Variants in NUBPL observed in about 807,000 individuals in gnomAD.
NUBPL encodes iron-sulfur cluster transfer protein NUBPL.
A neutral mutation model predicts 45.7 loss-of-function variants in NUBPL; 31 were observed. The ratio of observed to expected loss-of-function variants is 0.68; its 90% CI spans 0.51 to 0.92. NUBPL has a LOEUF of 0.92. Among genes scored for constraint, NUBPL ranks in the 40% least tolerant of loss-of-function variants. The pLI is 0.00. For missense variants in NUBPL, 401 were observed against 398.7 expected, an observed-to-expected ratio of 1.01 and a Z score of -0.05; for synonymous variants, 144 against 140.9, an observed-to-expected ratio of 1.02 and a Z score of -0.15.
chr14:31,696,122 A>G (rs771874073), intron 6 of NUBPL, among the ~76,000 whole-genome samples: 1 of 152,202 alleles, frequency 6.6e-6, no homozygotes, highest in Non-Finnish European at 1.5e-5. Flanking sequence ...AGCAATTTGA[A>G]AAGCTGGGAG....
At chr14:31,732,484 C>T (rs2038072504) in intron 6 of NUBPL, among the ~76,000 whole-genome samples, 1 of 151,414 alleles carries the variant, frequency 6.6e-6, no homozygotes, top group Admixed American at 6.6e-5. Flanking sequence ...TGTGGGAGTT[C>T]TTTATATTCT....
rs536471707 is a variant in NUBPL at position 31,822,701 on chromosome 14, CA to C, written c.608-3920del. The stretch of plus-strand genomic sequence containing the variant: ...CCCATATATTTCTACAAATAGTAGA[CA>C]AAAAAAATTTTACACCAAAAAAAAC... On this transcript the variant is annotated intron_variant, in intron 7 of 10. Coordinates refer to ENST00000281081, the MANE Select transcript of NUBPL (RefSeq NM_025152.3). 2.1e-4 allele frequency among the ~76,000 whole-genome samples: 32 copies of C among 151,768 alleles called. No homozygotes were observed. The East Asian group carries it at 2.1e-3, about 10-fold the overall frequency.
At chr14:31,751,503 A>C (rs2038528896) in intron 6 of NUBPL, among the ~76,000 whole-genome samples, 3 of 152,264 alleles carry the variant, frequency 2.0e-5, no homozygotes, top group Non-Finnish European at 2.9e-5. Flanking sequence ...TTAAAGCTCC[A>C]AAATAATCTT....
At chr14:31,801,380 A>T (rs2039587005) in intron 7 of NUBPL, among the ~76,000 whole-genome samples, 3 of 152,154 alleles carry the variant, frequency 2.0e-5, no homozygotes, top group Non-Finnish European at 4.4e-5. Context: ...CAGCAAGTGG[A>T]ATAACTAACA....
At chr14:31,630,375 C>A (rs2035310882) in intron 4 of NUBPL, among the ~76,000 whole-genome samples, 1 of 152,040 alleles carries the variant, frequency 6.6e-6, no homozygotes, top group African/African-American at 2.4e-5. Flanking sequence ...TTTGTTTATT[C>A]TTTATTCGAA....
intron 10 of NUBPL, among the ~76,000 whole-genome samples, chr14:31,857,985 T>G (rs2040652008): frequency 6.6e-6 from 1 of 152,146 alleles, no homozygotes; most frequent in Non-Finnish European, 1.5e-5. Context: ...TAATAGTTTG[T>G]TTTCACACTG....
In NUBPL at chr14:31,561,566, C is replaced by A; in HGVS notation, c.108+19C>A. On this transcript the variant is annotated intron_variant, in intron 1 of 10. Coordinates refer to ENST00000281081, the MANE Select transcript of NUBPL (RefSeq NM_025152.3). The stretch of plus-strand genomic sequence containing the variant: ...GCGCCAGGTCCGTGGTGCTGCAGGG[C>A]AGGGGGAAGCGGGCTGACAGATGCT... 1.5e-6 allele frequency: 2 copies of A among 1,348,648 alleles called. No individual in the cohort carries two copies. Among genetic ancestry groups the A allele is most frequent in the South Asian group, 2.2e-5 (1 of 46,052 alleles). The allele number at this position is 1,348,648 out of a possible 1,614,324, so 83.5% of individuals were successfully genotyped here.
chr14:31,642,917 C>A (rs1345768742), intron 4 of NUBPL, among the ~76,000 whole-genome samples: 1 of 152,038 alleles, frequency 6.6e-6, no homozygotes, highest in Non-Finnish European at 1.5e-5. Flanking sequence ...CTTTGTAGCT[C>A]TTGCAGATGG....
At chr14:31,578,084 A>C (rs989639963) in intron 3 of NUBPL, 1 of 739,000 alleles carries the variant, frequency 1.4e-6, no homozygotes, top group African/African-American at 1.8e-5. Flanking sequence ...TGAATGCATT[A>C]CTGGGTTTTC....
intron 6 of NUBPL, among the ~76,000 whole-genome samples, chr14:31,756,344 C>T (rs970418668): frequency 2.6e-5 from 4 of 151,898 alleles, no homozygotes; most frequent in African/African-American, 9.7e-5. Flanking sequence ...ATGGAATGTT[C>T]TTCCATTTGT....
At chr14:31,607,911 TAACCA>T (rs1415258376) in intron 4 of NUBPL, among the ~76,000 whole-genome samples, 17 of 151,990 alleles carry the variant, frequency 1.1e-4, no homozygotes, top group Admixed American at 1.1e-3. Flanking sequence ...AAAACAGATT[TAACCA>T]AAAGAAAACT....
chr14:31,720,442 A>G (rs1047409164), intron 6 of NUBPL, among the ~76,000 whole-genome samples: 4 of 152,154 alleles, frequency 2.6e-5, no homozygotes, highest in Non-Finnish European at 5.9e-5. Flanking sequence ...CCTGGTTTTC[A>G]AGGACATTCG....
chr14:31,802,529 G>A (rs1409873747), intron 7 of NUBPL, among the ~76,000 whole-genome samples: 1 of 152,066 alleles, frequency 6.6e-6, no homozygotes, highest in African/African-American at 2.4e-5. Flanking sequence ...ACCCACCTGG[G>A]CCTCCCAAAG....
intron 6 of NUBPL, among the ~76,000 whole-genome samples, chr14:31,730,944 G>C (rs2038036553): frequency 6.6e-6 from 1 of 152,020 alleles, no homozygotes; most frequent in Non-Finnish European, 1.5e-5. Flanking sequence ...AAGGATAAAA[G>C]ACACTTTGAG....
At chr14:31,831,415 T>G (rs2040188178) in intron 8 of NUBPL, among the ~76,000 whole-genome samples, 1 of 152,018 alleles carries the variant, frequency 6.6e-6, no homozygotes, top group Non-Finnish European at 1.5e-5. Context: ...TCTAACTGTT[T>G]TCACATTTGT....
chr14:31,593,114 A>G (rs1361225688), intron 3 of NUBPL, among the ~76,000 whole-genome samples: 1 of 152,270 alleles, frequency 6.6e-6, no homozygotes, highest in African/African-American at 2.4e-5. Context: ...AACAATTTAC[A>G]TAAAATTTAT....
At chr14:31,716,081 G>T (rs908289723) in intron 6 of NUBPL, among the ~76,000 whole-genome samples, 1 of 151,962 alleles carries the variant, frequency 6.6e-6, no homozygotes, top group Non-Finnish European at 1.5e-5. Flanking sequence ...CATGGGTCAG[G>T]ATTAGCAGTA....
intron 4 of NUBPL, among the ~76,000 whole-genome samples, chr14:31,637,509 G>A (rs1213198820): frequency 6.6e-6 from 1 of 152,108 alleles, no homozygotes; most frequent in African/African-American, 2.4e-5. Context: ...TTACTTCCAA[G>A]TATGTGGTCA....
intron 3 of NUBPL, among the ~76,000 whole-genome samples, chr14:31,582,230 T>C (rs998867636): frequency 6.6e-6 from 1 of 151,964 alleles, no homozygotes; most frequent in Non-Finnish European, 1.5e-5. Context: ...GGATTAATTA[T>C]GTAAAAATTA....
Sources: allele counts gnomAD v4.1 joint callset (sites outside exome capture counted in the v4.1 genomes callset), GRCh38; gene constraint gnomAD v4.1.1; transcripts MANE v1.5; gene names NCBI Gene and HGNC (gene_info 2026-07-23, HGNC 2026-07-21).